The following SCAF11 variants were observed in gnomAD, a reference collection of about 807,000 sequenced individuals.
SCAF11 encodes the protein SR-related CTD associated factor 11, also known as protein SCAF11.
In SCAF11, 47 loss-of-function variants were observed where a neutral mutation model predicts 140.5. The ratio of observed to expected loss-of-function variants is 0.33; its 90% CI spans 0.26 to 0.43. SCAF11 has a LOEUF of 0.43. SCAF11 is among the 20% of genes least tolerant of loss of function. The probability of loss-of-function intolerance (pLI) is 1.00; values close to 1 mark genes in which losing one functional copy is unlikely to be tolerated. For synonymous variants in SCAF11, 557 were observed against 579.4 expected (o/e 0.96, Z 0.55); for missense variants, 1,645 against 1,705.1 (o/e 0.96, Z 0.62).
chr12:45,961,265 C>T lies in SCAF11; in HGVS notation c.219+435G>A, dbSNP rs1389700632. 4 of 713,502 alleles carry T rather than the reference C, an allele frequency of 5.6e-6. No individual in the cohort carries two copies. In the African/African-American group the frequency reaches 7.0e-5, roughly 13 times the overall value. 44.2% of individuals were successfully genotyped at this position (713,502 alleles called of 1,614,324 possible). A position where few individuals can be genotyped will look rare whatever the true frequency, so the allele number is the denominator to read the frequency against. On this transcript the variant is annotated intron_variant, in intron 3 of 14. Transcript: ENST00000369367. Reference sequence around the variant, plus strand: ...ATGGAAGGACACTATCGTATCTGCTCTGGTTATTCCACAAGGCTGATATAA... The same window carrying T: ...ATGGAAGGACACTATCGTATCTGCTTTGGTTATTCCACAAGGCTGATATAA...
intron 6 of SCAF11, among the ~76,000 whole-genome samples, chr12:45,939,263 C>G (rs1222965761): frequency 6.6e-6 from 1 of 151,912 alleles, no homozygotes; most frequent in Non-Finnish European, 1.5e-5. Flanking sequence ...ATAATAATCT[C>G]TAATCAAGAT....
At chr12:45,982,142 C>T (rs1946363619) in intron 1 of SCAF11, among the ~76,000 whole-genome samples, 1 of 152,102 alleles carries the variant, frequency 6.6e-6, no homozygotes, top group South Asian at 2.1e-4. Context: ...AACAATGAAG[C>T]TATTTCGTTT....
chr12:45,931,304 G>C (rs1219013355), intron 10 of SCAF11: 5 of 320,974 alleles, frequency 1.6e-5, no homozygotes, highest in Non-Finnish European at 2.3e-5. Flanking sequence ...GAGAGACTAT[G>C]TATCTATCTA....
chr12:45,961,306 A>T, intron 3 of SCAF11: 1 of 715,742 alleles, frequency 1.4e-6, no homozygotes, highest in Non-Finnish European at 2.6e-6. Context: ...AAATCAAATA[A>T]CCTATGTGAA....
chr12:45,947,877 A>G (rs1945461818), intron 5 of SCAF11, among the ~76,000 whole-genome samples: 1 of 151,898 alleles, frequency 6.6e-6, no homozygotes, highest in African/African-American at 2.4e-5. Context: ...GGGTCTCATT[A>G]TGTTGCCTAG....
chr12:45,939,444 C>T (rs765987573), intron 6 of SCAF11, among the ~76,000 whole-genome samples: 2 of 152,126 alleles, frequency 1.3e-5, no homozygotes, highest in African/African-American at 2.4e-5. Context: ...GCCTGTAATC[C>T]CAGCACTTTG....
intron 4 of SCAF11, among the ~76,000 whole-genome samples, chr12:45,950,286 A>AAAAAGATAATG (rs1197800621): frequency 6.6e-6 from 1 of 152,180 alleles, no homozygotes; most frequent in South Asian, 2.1e-4. Flanking sequence ...TTGCAAAGGG[A>AAAAAGATAATG]AAAAGATAAT....
At chr12:45,929,714 T>C (rs1453970814) in intron 10 of SCAF11, 1 of 152,212 alleles carries the variant, frequency 6.6e-6, no homozygotes, top group Non-Finnish European at 1.5e-5. Flanking sequence ...CAGATAAAAC[T>C]GTGTTTCTCA....
At position 45,928,262 on chromosome 12, in the gene SCAF11, T is replaced by C. The variant is rs1340335444; in HGVS notation, c.1439A>G (p.Gln480Arg). 1.9e-6 allele frequency: 3 copies of C among 1,614,040 alleles called. No individual in the cohort carries two copies. Among genetic ancestry groups the C allele is most frequent in the Non-Finnish European group, 2.5e-6 (3 of 1,180,002 alleles). ...VGSSSSESCA[Q>R]DLPVLVGEEG... ...CTCACCAACTAGCACAGGAAGATCT[T>C]GAGCACAAGACTCAGAAGATGAAGA... Residue 480 changes from glutamine to arginine, a missense_variant, in exon 11 of 15, where the codon CAA becomes CGA. Gln to Arg is a conservative substitution (Grantham distance 43, BLOSUM62 1). Coordinates refer to ENST00000369367, the MANE Select transcript of SCAF11 (RefSeq NM_004719.3).
Position 45,928,581 on chromosome 12 carries a change from G to C in SCAF11, c.1120C>G (p.Arg374Gly). ...TTTCTTCCTCTTCTTACAGACTTCC[G>C]TTTTGGAGCCTGTCTTGTTTGCTTT... ...SEKQTRQAPK[R>G]KSVRRGRKPP... Residue 374 changes from arginine (R) to glycine (G), a missense_variant, in exon 11 of 15, where the codon CGG (arginine) becomes GGG (glycine). This residue lies in a region of SCAF11 where 1,582 missense variants were observed against 1,609.2 expected (regional missense o/e 0.98). Coordinates refer to ENST00000369367, the MANE Select transcript of SCAF11 (RefSeq NM_004719.3). 1 of 1,614,050 alleles carries C rather than the reference G, an allele frequency of 6.2e-7. No individual in the cohort carries two copies. Among genetic ancestry groups the C allele is most frequent in the Non-Finnish European group, 8.5e-7 (1 of 1,179,988 alleles).
chr12:45,987,452 C>G (rs1946482600), intron 1 of SCAF11, among the ~76,000 whole-genome samples: 2 of 152,150 alleles, frequency 1.3e-5, no homozygotes, highest in Non-Finnish European at 2.9e-5. Context: ...GTTTAGGTGA[C>G]AAATACTGAC....
At position 45,972,917 on chromosome 12, in the gene SCAF11, TATAG is replaced by T. The variant is rs1429369472; in HGVS notation, c.-21-8733_-21-8730del. 4.5e-4 allele frequency among the ~76,000 whole-genome samples: 36 copies of T among 80,360 alleles called. 3 individuals are homozygous for T. Among genetic ancestry groups the T allele is most frequent in the African/African-American group, 2.3e-3 (35 of 15,032 alleles). 52.7% of individuals were successfully genotyped at this position (80,360 alleles called of 152,430 possible). The stretch of plus-strand genomic sequence containing the variant: ...AGATATATATATATATAGATATATA[TATAG>T]ATATATAGATATATATAGATATATA... On this transcript the variant is annotated intron_variant, in intron 1 of 14. Transcript: ENST00000369367.
chr12:45,948,070 T>C (rs1413230952), intron 5 of SCAF11, among the ~76,000 whole-genome samples: 2 of 152,142 alleles, frequency 1.3e-5, no homozygotes, highest in African/African-American at 2.4e-5. Flanking sequence ...ACGAATTCTT[T>C]TAATTCTTTT....
intron 1 of SCAF11, among the ~76,000 whole-genome samples, chr12:45,971,639 G>A (rs1296201588): frequency 2.0e-5 from 3 of 152,156 alleles, no homozygotes; most frequent in East Asian, 1.9e-4. Context: ...AGGTGGGTAA[G>A]GGGGAGGGGA....
At chr12:45,990,690 G>C, upstream of SCAF11, 1 of 814,114 alleles carries the variant, frequency 1.2e-6, no homozygotes. Context: ...AGCCGGACTC[G>C]CCACATTCTG....
chr12:45,957,554 G>T (rs964929310), intron 3 of SCAF11, among the ~76,000 whole-genome samples: 3 of 151,996 alleles, frequency 2.0e-5, no homozygotes, highest in South Asian at 4.1e-4. Flanking sequence ...GCCGAATTTT[G>T]ATTTCATTAA....
chr12:45,974,320 G>C, intron 1 of SCAF11: 1 of 434,752 alleles, frequency 2.3e-6, no homozygotes, highest in Middle Eastern at 6.1e-4. Context: ...CTGAAGGGCA[G>C]GGTTGGCTGT....
At chr12:45,940,950 G>A (rs960968403) in intron 6 of SCAF11, among the ~76,000 whole-genome samples, 1 of 152,112 alleles carries the variant, frequency 6.6e-6, no homozygotes, top group Non-Finnish European at 1.5e-5. Context: ...GACTACAGGT[G>A]TGTATCACCA....
At chr12:45,963,451 C>T (rs1010245803) in intron 2 of SCAF11, among the ~76,000 whole-genome samples, 2 of 150,696 alleles carry the variant, frequency 1.3e-5, no homozygotes, top group Non-Finnish European at 2.9e-5. Flanking sequence ...CTTCAAAGTG[C>T]TAAGAGAAAA....
Sources: allele counts gnomAD v4.1 joint callset (sites outside exome capture counted in the v4.1 genomes callset), GRCh38; gene constraint gnomAD v4.1.1; regional missense constraint gnomAD v4.1.1; transcripts MANE v1.5; gene names NCBI Gene and HGNC (gene_info 2026-07-23, HGNC 2026-07-21).